The following SNX29 variants were observed in gnomAD, a reference collection of about 807,000 sequenced individuals.
SNX29 encodes the protein sorting nexin 29, also known as sorting nexin-29.
A neutral mutation model predicts 102.1 loss-of-function variants in SNX29; 78 were observed. That is an observed-to-expected ratio of 0.76 (90% CI 0.64 to 0.92). The LOEUF is 0.92. Among genes scored for constraint, SNX29 ranks in the 40% least tolerant of loss-of-function variants. SNX29 has a pLI of 0.00. For missense variants in SNX29, 1,280 were observed against 1,061.7 expected, an observed-to-expected ratio of 1.21 and a Z score of -2.86; for synonymous variants, 580 against 414.5, an observed-to-expected ratio of 1.40 and a Z score of -4.85.
intron 2 of SNX29, among the ~76,000 whole-genome samples, chr16:12,001,025 A>G (rs2056268253): frequency 6.6e-6 from 1 of 152,198 alleles, no homozygotes; most frequent in African/African-American, 2.4e-5. Context: ...CTGCTGCAGA[A>G]ATGGAAAATA....
chr16:12,387,825 T>G (rs2083389789), intron 16 of SNX29, among the ~76,000 whole-genome samples: 1 of 152,158 alleles, frequency 6.6e-6, no homozygotes, highest in Non-Finnish European at 1.5e-5. Flanking sequence ...TTCCCCTACT[T>G]CCATGCCTCC....
intron 2 of SNX29, among the ~76,000 whole-genome samples, chr16:11,999,628 G>T (rs1489407254): frequency 6.6e-6 from 1 of 152,172 alleles, no homozygotes; most frequent in Non-Finnish European, 1.5e-5. Flanking sequence ...TGGGCCAGGT[G>T]CAGTGGCTCA....
chr16:12,263,485 T>A (rs889059679), intron 14 of SNX29, among the ~76,000 whole-genome samples: 3 of 152,164 alleles, frequency 2.0e-5, no homozygotes, highest in African/African-American at 7.2e-5. Context: ...TCTAGAAATC[T>A]AACAGATTAT....
At chr16:12,285,037 C>T (rs1008848627) in intron 15 of SNX29, among the ~76,000 whole-genome samples, 5 of 152,188 alleles carry the variant, frequency 3.3e-5, no homozygotes, top group Non-Finnish European at 7.4e-5. Context: ...GCCTCAGTTA[C>T]TTTTCTGAGC....
intron 19 of SNX29, among the ~76,000 whole-genome samples, chr16:12,513,437 T>G (rs1357613674): frequency 6.6e-6 from 1 of 151,716 alleles, no homozygotes; most frequent in Non-Finnish European, 1.5e-5. Flanking sequence ...CCTCTCCTCT[T>G]CCCTGCGCTG....
intron 4 of SNX29, among the ~76,000 whole-genome samples, chr16:12,037,078 G>C (rs1030568035): frequency 4.6e-5 from 7 of 152,072 alleles, no homozygotes; most frequent in African/African-American, 1.4e-4. Flanking sequence ...AGTAGCTCCA[G>C]GTTTCCAGGA....
At chr16:12,131,293 C>G (rs2054457266) in intron 13 of SNX29, among the ~76,000 whole-genome samples, 1 of 152,202 alleles carries the variant, frequency 6.6e-6, no homozygotes. Context: ...ATTTCCTTTT[C>G]TGTCACTTTG....
chr16:12,572,255 C>T lies in SNX29; in HGVS notation c.*3626C>T, dbSNP rs1044757016. 6.6e-6 allele frequency: 7 copies of T among 1,054,788 alleles called. No homozygotes were observed. Among genetic ancestry groups the T allele is most frequent in the East Asian group, 5.1e-5 (1 of 19,778 alleles). The allele number at this position is 1,054,788 out of a possible 1,614,324, so 65.3% of individuals were successfully genotyped here. A position where few individuals can be genotyped will look rare whatever the true frequency, so the allele number is the denominator to read the frequency against. On this transcript the variant is annotated 3_prime_UTR_variant, in exon 21 of 21. Coordinates refer to ENST00000566228, the MANE Select transcript of SNX29 (RefSeq NM_032167.5). The stretch of plus-strand genomic sequence containing the variant: ...TCGTTTACACCAGGTGGATTGATAC[C>T]ATGGCTGTAGCTGATGCAACTAACA...
rs550735587 is a variant in SNX29, at chr16:12,334,394, G to A, written c.1783-21769G>A. 3.9e-5 allele frequency among the ~76,000 whole-genome samples: 6 copies of A among 152,164 alleles called. No homozygotes were observed. The South Asian group carries it at 1.2e-3, about 32-fold the overall frequency. On this transcript the variant is annotated intron_variant, in intron 15 of 20. Coordinates refer to ENST00000566228, the MANE Select transcript of SNX29 (RefSeq NM_032167.5). ...CTGTGTAGGTGAGTCCCACCTTGGG[G>A]AAAAAAATCATCCCCGGGTGCATTC...
At chr16:11,995,773 C>A (rs952646146) in intron 1 of SNX29, among the ~76,000 whole-genome samples, 1 of 151,868 alleles carries the variant, frequency 6.6e-6, no homozygotes, top group East Asian at 1.9e-4. Flanking sequence ...ACGAGAAACA[C>A]AGAGTTGGCA....
At chr16:12,554,342 T>G (rs1427676846) in intron 20 of SNX29, among the ~76,000 whole-genome samples, 5 of 151,074 alleles carry the variant, frequency 3.3e-5, no homozygotes, top group Non-Finnish European at 5.9e-5. Context: ...TCTTTTGTTC[T>G]GTAGCTTTTC....
intron 16 of SNX29, among the ~76,000 whole-genome samples, chr16:12,368,791 G>A (rs2082578168): frequency 6.6e-6 from 1 of 152,228 alleles, no homozygotes; most frequent in East Asian, 1.9e-4. Flanking sequence ...AACGTCACCT[G>A]CAGGAGAAGT....
intron 18 of SNX29, among the ~76,000 whole-genome samples, chr16:12,447,279 C>T (rs990666763): frequency 6.6e-6 from 1 of 151,514 alleles, no homozygotes; most frequent in East Asian, 1.9e-4. Context: ...GAAGAAGTCC[C>T]ATCGGCTTAG....
intron 18 of SNX29, among the ~76,000 whole-genome samples, chr16:12,433,650 A>AG (rs1342145333): frequency 2.1e-5 from 1 of 48,014 alleles, no homozygotes; most frequent in Non-Finnish European, 5.1e-5. Flanking sequence ...AAAAAAAAAA[A>AG]GGAAACTTAG....
chr16:12,087,316 TGGAGG>T (rs2052250818), intron 11 of SNX29: 1 of 101,356 alleles, frequency 9.9e-6, no homozygotes, highest in Admixed American at 1.0e-4. Flanking sequence ...GAGAATCGCT[TGGAGG>T]CAGGCGAATC....
At position 12,542,360 on chromosome 16, in the gene SNX29, GACCC is replaced by G. The variant is rs1396387735; in HGVS notation, c.2318+17521_2318+17524del. Among the ~76,000 whole-genome samples, 49 of 152,312 alleles carry G rather than the reference GACCC, an allele frequency of 3.2e-4. 2 individuals carry two copies. In the South Asian group the frequency reaches 5.4e-3, roughly 17 times the overall value. On this transcript the variant is annotated intron_variant, in intron 20 of 20. Coordinates refer to ENST00000566228, the MANE Select transcript of SNX29 (RefSeq NM_032167.5). ...GAGATTGTCTCAAAAGAAAAAGTTAGACCCAAGTTCTATCACCCAGGGTGGAGTA... is the reference window on the plus strand; with the variant it reads ...GAGATTGTCTCAAAAGAAAAAGTTAGAAGTTCTATCACCCAGGGTGGAGTA...
chr16:12,204,066 C>G (rs972077543), intron 14 of SNX29, among the ~76,000 whole-genome samples: 3 of 152,190 alleles, frequency 2.0e-5, no homozygotes, highest in Non-Finnish European at 2.9e-5. Flanking sequence ...TCCTGTTAGG[C>G]TGGGAGACTG....
chr16:11,998,662 C>A (rs1057178657), intron 1 of SNX29, among the ~76,000 whole-genome samples: 1 of 152,146 alleles, frequency 6.6e-6, no homozygotes, highest in East Asian at 1.9e-4. Context: ...GGGAGTGATG[C>A]TCTGCATAGC....
chr16:12,159,992 T>C (rs936571931), intron 13 of SNX29, among the ~76,000 whole-genome samples: 1 of 152,224 alleles, frequency 6.6e-6, no homozygotes, highest in Non-Finnish European at 1.5e-5. Flanking sequence ...TTCACCTCTC[T>C]TGTCTCTGGG....
Sources: gnomAD v4.1 joint callset for allele counts (sites outside exome capture counted in the v4.1 genomes callset) on GRCh38, gnomAD v4.1.1 for gene constraint, MANE v1.5 for transcripts, NCBI Gene and HGNC (gene_info 2026-07-23, HGNC 2026-07-21) for gene names.